Variants in ATP8A1 observed in about 807,000 individuals in gnomAD.
ATP8A1 encodes phospholipid-transporting ATPase IA.
In ATP8A1, 90 loss-of-function variants were observed where a neutral mutation model predicts 177.7. The observed-to-expected ratio is 0.51, with a 90% confidence interval of 0.43 to 0.60. The LOEUF (loss-of-function observed/expected upper bound fraction) is 0.60, where lower values mean the gene tolerates loss of function less well. ATP8A1 is among the 20% of genes least tolerant of loss of function. ATP8A1 has a pLI of 0.00. For synonymous variants in ATP8A1, 493 were observed against 485.9 expected (o/e 1.01, Z -0.19); for missense variants, 1,072 against 1,392.8 (o/e 0.77, Z 3.67).
At chr4:42,597,583 C>T (rs1361902258) in intron 6 of ATP8A1, among the ~76,000 whole-genome samples, 1 of 152,192 alleles carries the variant, frequency 6.6e-6, no homozygotes, top group Non-Finnish European at 1.5e-5. Context: ...ACAGATTTTA[C>T]TTGTCACAAA....
intron 5 of ATP8A1, among the ~76,000 whole-genome samples, chr4:42,615,617 A>T (rs1249382332): frequency 1.3e-5 from 2 of 152,228 alleles, no homozygotes; most frequent in Non-Finnish European, 2.9e-5. Flanking sequence ...AGTGTCTGTC[A>T]TCTGCATGTA....
At chr4:42,636,156 A>ACGCGCGCGCGCGCGCGCG (rs1553920759) in intron 1 of ATP8A1, among the ~76,000 whole-genome samples, 4 of 90,898 alleles carry the variant, frequency 4.4e-5, no homozygotes, top group Non-Finnish European at 1.1e-4. Flanking sequence ...ACACACACAC[A>ACGCGCGCGCGCGCGCGCG]CGCACACACA....
chr4:42,550,834 A>C (rs1729433437), intron 18 of ATP8A1, among the ~76,000 whole-genome samples: 1 of 152,172 alleles, frequency 6.6e-6, no homozygotes, highest in South Asian at 2.1e-4. Flanking sequence ...TGTTGGCTCA[A>C]GTCTTTTGCC....
chr4:42,485,597 A>G lies in ATP8A1; in HGVS notation c.2223T>C (p.Ala741=). The G allele has an allele frequency of 1.2e-6, 2 of 1,613,758 alleles. No individual in the cohort carries two copies. The highest frequency in any genetic ancestry group is 1.7e-4 in the Middle Eastern group (1 of 6,058). Residue 741 remains alanine (A), a synonymous_variant, in exon 25 of 37, where the codon GCT becomes GCC. Transcript: ENST00000381668. The part of the protein sequence containing the change: ...GDALRKENDF[A]LIIDGKTLKY... ...TGAGGGTTTTCCCATCAATTATAAG[A>G]GCAAAATCATTCTCTTTCCGGAGAG... is the stretch of plus-strand genomic sequence containing the variant.
At position 42,641,010 on chromosome 4, in the gene ATP8A1, GAAA is replaced by G. The variant is rs10609874; in HGVS notation, c.50-13904_50-13902del. Reference sequence around the variant, plus strand: ...ACGTACAGAGACTTCCCCCTCACCAGAAAAAAAAAAAAAAAAAAGAACAATGAA... The same window carrying G: ...ACGTACAGAGACTTCCCCCTCACCAGAAAAAAAAAAAAAAAGAACAATGAA... On this transcript the variant is annotated intron_variant, in intron 1 of 36. Transcript: ENST00000381668. Among the ~76,000 whole-genome samples, 69 of 123,426 alleles carry G rather than the reference GAAA, an allele frequency of 5.6e-4. 1 individual carries two copies. Among genetic ancestry groups the G allele is most frequent in the African/African-American group, 9.5e-4 (33 of 34,616 alleles). 81.0% of individuals were successfully genotyped at this position (123,426 alleles called of 152,430 possible). A position where few individuals can be genotyped will look rare whatever the true frequency, so the allele number is the denominator to read the frequency against.
chr4:42,636,020 C>T (rs1340153579), intron 1 of ATP8A1, among the ~76,000 whole-genome samples: 2 of 151,134 alleles, frequency 1.3e-5, no homozygotes, highest in East Asian at 3.9e-4. Flanking sequence ...GGGCCATGTG[C>T]TTACTTTTAA....
intron 5 of ATP8A1, among the ~76,000 whole-genome samples, chr4:42,607,708 A>T (rs551785927): frequency 6.6e-6 from 1 of 152,056 alleles, no homozygotes; most frequent in African/African-American, 2.4e-5. Flanking sequence ...AGGCCAATGT[A>T]ATTTTGTACA....
chr4:42,538,368 C>T (rs924659239), intron 20 of ATP8A1, among the ~76,000 whole-genome samples: 1 of 152,138 alleles, frequency 6.6e-6, no homozygotes, highest in South Asian at 2.1e-4. Context: ...GCAAAGACTT[C>T]ATGACCAAGA....
intron 15 of ATP8A1, among the ~76,000 whole-genome samples, chr4:42,558,825 G>T (rs763412603): frequency 3.9e-5 from 6 of 152,152 alleles, no homozygotes; most frequent in Non-Finnish European, 5.9e-5. Flanking sequence ...ATATAATTCA[G>T]AAAACATAAT....
chr4:42,590,463 A>G (rs1577657831), intron 7 of ATP8A1, among the ~76,000 whole-genome samples: 1 of 152,180 alleles, frequency 6.6e-6, no homozygotes, highest in African/African-American at 2.4e-5. Flanking sequence ...ATTCAAAATA[A>G]TATCCCGGAG....
intron 5 of ATP8A1, among the ~76,000 whole-genome samples, chr4:42,603,259 T>C (rs1172702498): frequency 6.6e-6 from 1 of 152,190 alleles, no homozygotes; most frequent in Non-Finnish European, 1.5e-5. Flanking sequence ...TTCTTGGATA[T>C]GTTTTGTAGT....
intron 22 of ATP8A1, among the ~76,000 whole-genome samples, chr4:42,518,214 C>T (rs942780597): frequency 5.3e-5 from 8 of 152,170 alleles, no homozygotes; most frequent in Non-Finnish European, 8.8e-5. Flanking sequence ...AACATTTCCT[C>T]TTATTTTGTA....
At chr4:42,545,044 C>T (rs922404508) in intron 19 of ATP8A1, among the ~76,000 whole-genome samples, 2 of 151,674 alleles carry the variant, frequency 1.3e-5, no homozygotes, top group Non-Finnish European at 2.9e-5. Context: ...CCTGTAATCC[C>T]AGCTACTCAG....
At chr4:42,490,239 T>G (rs1295504315) in intron 24 of ATP8A1, among the ~76,000 whole-genome samples, 2 of 152,164 alleles carry the variant, frequency 1.3e-5, no homozygotes, top group Non-Finnish European at 2.9e-5. Context: ...AGCCTGAACC[T>G]CCTACTATGC....
chr4:42,411,893 G>C lies in ATP8A1; in HGVS notation c.*1023C>G, dbSNP rs914364026. 3.3e-5 allele frequency: 5 copies of C among 152,164 alleles called. No homozygotes were observed. The highest frequency in any genetic ancestry group is 1.2e-4 in the African/African-American group (5 of 41,446). 9.4% of individuals were successfully genotyped at this position (152,164 alleles called of 1,614,324 possible). A position where few individuals can be genotyped will look rare whatever the true frequency, so the allele number is the denominator to read the frequency against. ...ACACAAGACACAGGCATCTCTAGTG[G>C]GAACTGGAACACAGGACAAAAGCCC... On this transcript the variant is annotated 3_prime_UTR_variant, in exon 37 of 37. Transcript: ENST00000381668.
chr4:42,506,701 C>T (rs1398151485), intron 23 of ATP8A1, among the ~76,000 whole-genome samples: 1 of 151,272 alleles, frequency 6.6e-6, no homozygotes, highest in Non-Finnish European at 1.5e-5. Context: ...CTTTCCAAAA[C>T]ATGGGGATTA....
intron 25 of ATP8A1, among the ~76,000 whole-genome samples, chr4:42,470,894 T>A (rs988181044): frequency 3.9e-5 from 6 of 152,308 alleles, no homozygotes; most frequent in Admixed American, 1.3e-4. Flanking sequence ...TTCCTAAGAT[T>A]TCTCCTGTGA....
intron 5 of ATP8A1, among the ~76,000 whole-genome samples, chr4:42,603,026 T>C (rs1352706408): frequency 6.6e-6 from 1 of 152,050 alleles, no homozygotes; most frequent in Non-Finnish European, 1.5e-5. Context: ...TCCTATCTCA[T>C]ATTAGTAATT....
At chr4:42,492,540 C>T (rs769104575) in intron 24 of ATP8A1, among the ~76,000 whole-genome samples, 9 of 152,092 alleles carry the variant, frequency 5.9e-5, no homozygotes, top group Non-Finnish European at 1.3e-4. Context: ...TTCCATCATG[C>T]ACAGACACAA....
Sources: allele counts gnomAD v4.1 joint callset (sites outside exome capture counted in the v4.1 genomes callset), GRCh38; gene constraint gnomAD v4.1.1; transcripts MANE v1.5; gene names NCBI Gene and HGNC (gene_info 2026-07-23, HGNC 2026-07-21).